SATB2: variants seen among roughly 807,000 people sequenced by gnomAD.
The protein encoded by SATB2 is DNA-binding protein SATB2.
Under a neutral mutation model 73.4 loss-of-function variants are expected in SATB2, and 1 was observed. The observed-to-expected ratio is 0.01, with a 90% confidence interval of 0.00 to 0.06. The LOEUF (loss-of-function observed/expected upper bound fraction) is 0.06. Ranked by LOEUF, SATB2 falls within the 10% of genes least tolerant of loss-of-function variation. The pLI is 1.00. For missense variants in SATB2, 459 were observed against 945.8 expected, an observed-to-expected ratio of 0.49 and a Z score of 6.75; for synonymous variants, 397 against 367.0, an observed-to-expected ratio of 1.08 and a Z score of -0.93.
At chr2:199,380,620 G>A (rs1689741822) in intron 4 of SATB2, 133 bp from the exon 5 acceptor site, 13 of 1,121,680 alleles carry the variant, frequency 1.2e-5, no homozygotes, top group Non-Finnish European at 1.7e-5. Context: ...GGGTCTAAGT[G>A]AAGGAAGGGA....
intron 6 of SATB2, among the ~76,000 whole-genome samples, chr2:199,349,975 C>T (rs1688766915): frequency 2.6e-5 from 4 of 152,110 alleles, no homozygotes; most frequent in African/African-American, 7.2e-5. Flanking sequence ...TTAGGAAAGA[C>T]AGTCACCTCA....
At chr2:199,447,075 C>CT (rs1691985559) in intron 2 of SATB2, among the ~76,000 whole-genome samples, 1 of 152,114 alleles carries the variant, frequency 6.6e-6, no homozygotes, top group African/African-American at 2.4e-5. Flanking sequence ...TATCCCCACC[C>CT]TAAGTCAAGG....
intron 8 of SATB2, among the ~76,000 whole-genome samples, chr2:199,324,787 GT>G (rs2105790260): frequency 6.6e-6 from 1 of 152,254 alleles, no homozygotes. Context: ...CATTGCTGGT[GT>G]CTAATAAGAG....
intron 3 of SATB2, among the ~76,000 whole-genome samples, chr2:199,411,124 C>T (rs778723768): frequency 1.3e-5 from 2 of 152,066 alleles, no homozygotes; most frequent in Non-Finnish European, 2.9e-5. Flanking sequence ...GAATCATTTA[C>T]TCTCCTCTGC....
chr2:199,387,248 C>G (rs1211555924), intron 3 of SATB2, among the ~76,000 whole-genome samples: 1 of 152,178 alleles, frequency 6.6e-6, no homozygotes, highest in Non-Finnish European at 1.5e-5. Context: ...CTGCTCAGCT[C>G]TGCTACCGAT....
chr2:199,467,814 G>A (rs571618776), upstream of SATB2, among the ~76,000 whole-genome samples: 3 of 152,288 alleles, frequency 2.0e-5, no homozygotes, highest in African/African-American at 4.8e-5. Context: ...CAGGGCCTCA[G>A]TGACTGCAGC....
intron 2 of SATB2, among the ~76,000 whole-genome samples, chr2:199,437,329 T>G (rs763326458): frequency 6.6e-6 from 1 of 152,194 alleles, no homozygotes; most frequent in Admixed American, 6.5e-5. Context: ...TGAATTCTGT[T>G]GTCAAAGAGG....
At chr2:199,312,853 C>T (rs1026417139) in intron 9 of SATB2, among the ~76,000 whole-genome samples, 3 of 151,852 alleles carry the variant, frequency 2.0e-5, no homozygotes, top group African/African-American at 4.8e-5. Context: ...TAACCTCAGT[C>T]GAAACATGAG....
rs1467041623 is a variant in SATB2, at chr2:199,464,630, C to G, written c.-141+206G>C. 1.9e-4 allele frequency among the ~76,000 whole-genome samples: 29 copies of G among 152,288 alleles called. No individual in the cohort carries two copies. Among genetic ancestry groups the G allele is most frequent in the Non-Finnish European group, 7.4e-5 (5 of 68,008 alleles). On this transcript the variant is annotated intron_variant, in intron 1 of 11. Coordinates refer to the SATB2 transcript ENST00000260926. The surrounding 1 kb of genome is among the most constrained non-coding windows in gnomAD (Gnocchi z 6.6). ...AGCGCTCCGGCCGGGTCGCAGGGGC[C>G]GGTGCCCAGCGGGCCGGGGTCTGGC...
intron 10 of SATB2, among the ~76,000 whole-genome samples, chr2:199,293,164 A>G (rs1692922354): frequency 6.6e-6 from 1 of 152,172 alleles, no homozygotes; most frequent in African/African-American, 2.4e-5. Context: ...AGCCTTTTCT[A>G]GGTTCATGCA....
chr2:199,465,886 T>C (rs1692584053), upstream of SATB2, among the ~76,000 whole-genome samples: 1 of 152,190 alleles, frequency 6.6e-6, no homozygotes, highest in Non-Finnish European at 1.5e-5. Context: ...TGCTAAATAG[T>C]AAAGGAAAAG....
chr2:199,372,654 G>A (rs1035039552), intron 5 of SATB2, among the ~76,000 whole-genome samples: 1 of 152,144 alleles, frequency 6.6e-6, no homozygotes, highest in Non-Finnish European at 1.5e-5. Context: ...TAAGAAGGGA[G>A]ACTAACGAAT....
intron 7 of SATB2, among the ~76,000 whole-genome samples, chr2:199,334,495 C>G (rs1055312903): frequency 4.6e-5 from 7 of 152,224 alleles, no homozygotes; most frequent in Non-Finnish European, 8.8e-5. Context: ...GTGGAAGGAG[C>G]CTTGGCACTC....
At chr2:199,382,892 A>G (rs542490558) in intron 3 of SATB2, among the ~76,000 whole-genome samples, 5 of 152,318 alleles carry the variant, frequency 3.3e-5, no homozygotes, top group South Asian at 2.1e-4. Context: ...GTTCTTTAAA[A>G]AAATATATTA....
intron 3 of SATB2, among the ~76,000 whole-genome samples, chr2:199,432,831 T>C (rs1253650493): frequency 6.6e-6 from 1 of 152,188 alleles, no homozygotes; most frequent in African/African-American, 2.4e-5. Flanking sequence ...GAATTGATCA[T>C]AAAGACATGG....
chr2:199,348,613 G>A (rs755201011), intron 7 of SATB2, 88 bp downstream of exon 7: 29 of 1,043,134 alleles, frequency 2.8e-5, no homozygotes, highest in Admixed American at 8.0e-5. Flanking sequence ...GATCCATAAA[G>A]CTTTTTAAAG....
At chr2:199,378,528 T>A (rs1005532398) in intron 5 of SATB2, among the ~76,000 whole-genome samples, 4 of 152,196 alleles carry the variant, frequency 2.6e-5, no homozygotes, top group Admixed American at 2.6e-4. Flanking sequence ...ATGGCCTCCA[T>A]GAAAAGTCCT....
intron 6 of SATB2, among the ~76,000 whole-genome samples, chr2:199,351,986 C>T (rs913049115): frequency 3.3e-5 from 5 of 152,204 alleles, no homozygotes; most frequent in Admixed American, 1.3e-4. Context: ...TTCTCGTGCT[C>T]AGCCTTCCGA....
chr2:199,438,184 A>T (rs902510736), intron 2 of SATB2, among the ~76,000 whole-genome samples: 4 of 152,240 alleles, frequency 2.6e-5, no homozygotes, highest in Non-Finnish European at 5.9e-5. Flanking sequence ...AAAATATATT[A>T]TTAAAATTAA....
Sources: allele counts gnomAD v4.1 joint callset (sites outside exome capture counted in the v4.1 genomes callset), GRCh38; gene constraint gnomAD v4.1.1; non-coding constraint Gnocchi (gnomAD v3.1); transcripts MANE v1.5; gene names NCBI Gene and HGNC (gene_info 2026-07-23, HGNC 2026-07-21).